The following ZFHX3 variants were observed in gnomAD, a reference collection of about 807,000 sequenced individuals.
The protein encoded by ZFHX3 is zinc finger homeobox 3.
A neutral mutation model predicts 279.1 loss-of-function variants in ZFHX3; 42 were observed. The ratio of observed to expected loss-of-function variants is 0.15; its 90% CI spans 0.12 to 0.19. The LOEUF (loss-of-function observed/expected upper bound fraction) is 0.19, where lower values mean the gene tolerates loss of function less well. ZFHX3 is among the 10% of genes least tolerant of loss of function. ZFHX3 has a pLI of 1.00. For synonymous variants in ZFHX3, 2,293 were observed against 1,957.8 expected (o/e 1.17, Z -4.52); for missense variants, 4,981 against 4,754.0 (o/e 1.05, Z -1.40).
At chr16:72,874,481 C>T (rs1032749800) in intron 4 of ZFHX3, among the ~76,000 whole-genome samples, 1 of 152,052 alleles carries the variant, frequency 6.6e-6, no homozygotes, top group East Asian at 1.9e-4. Context: ...AGATTGTAGG[C>T]GTGAGCCACC....
intron 2 of ZFHX3, among the ~76,000 whole-genome samples, chr16:73,650,341 CAA>C (rs962090444): frequency 1.6e-5 from 2 of 123,012 alleles, no homozygotes; most frequent in Admixed American, 1.7e-4. Flanking sequence ...GCGCATTTTC[CAA>C]AAAAAAAAAA....
chr16:72,867,784 G>A (rs1019549369), intron 4 of ZFHX3, among the ~76,000 whole-genome samples: 1 of 151,976 alleles, frequency 6.6e-6, no homozygotes, highest in African/African-American at 2.4e-5. Flanking sequence ...ATTTTCTTAA[G>A]GTGGCAGCTT....
At chr16:72,816,701 T>C (rs954935922) in intron 5 of ZFHX3, among the ~76,000 whole-genome samples, 4 of 152,098 alleles carry the variant, frequency 2.6e-5, no homozygotes, top group African/African-American at 7.2e-5. Context: ...CTGTGATGAG[T>C]TGGCCAACTA....
At chr16:73,718,362 G>C (rs1401212044) in intron 1 of ZFHX3, among the ~76,000 whole-genome samples, 1 of 152,022 alleles carries the variant, frequency 6.6e-6, no homozygotes, top group Non-Finnish European at 1.5e-5. Flanking sequence ...AGTGAGCCAA[G>C]ATCTTGCCAT....
intron 2 of ZFHX3, among the ~76,000 whole-genome samples, chr16:73,606,087 G>A (rs1044916289): frequency 6.6e-6 from 1 of 150,486 alleles, no homozygotes; most frequent in South Asian, 2.1e-4. Context: ...GGAGGCTGAG[G>A]TGGAGAACGG....
At chr16:72,960,544 G>A (rs890039798) in intron 1 of ZFHX3, among the ~76,000 whole-genome samples, 2 of 152,114 alleles carry the variant, frequency 1.3e-5, no homozygotes, top group African/African-American at 2.4e-5. Context: ...GAACGGACGC[G>A]TCATCTCTCC....
intron 3 of ZFHX3, among the ~76,000 whole-genome samples, chr16:73,351,585 G>T (rs544229473): frequency 6.6e-6 from 1 of 152,204 alleles, no homozygotes. Context: ...GCACAGCTCC[G>T]TCTTAAGTGG....
Position 73,879,735 on chromosome 16 carries a change from C to T in ZFHX3, c.-1608+11916G>A, listed in dbSNP as rs114041499. Among the ~76,000 whole-genome samples the T allele has an allele frequency of 6.4e-3, 980 of 152,198 alleles. 11 individuals are homozygous for T. The highest frequency in any genetic ancestry group is 0.022 in the African/African-American group (928 of 41,534). ...TAAGTAAACAGCGGGGATTCTCAGC[C>T]TCCACAGTGTTGACATTTGGGGCCA... is the stretch of plus-strand genomic sequence containing the variant. On this transcript the variant is annotated intron_variant, in intron 1 of 17. Coordinates refer to the ZFHX3 transcript ENST00000641206.
chr16:72,881,638 A>T (rs1348440263), intron 4 of ZFHX3, among the ~76,000 whole-genome samples: 4 of 152,200 alleles, frequency 2.6e-5, no homozygotes, highest in Admixed American at 2.6e-4. Context: ...CTCGAGAAAC[A>T]TCCATTCAGG....
chr16:73,837,226 GAACTA>G (rs1961167128), intron 1 of ZFHX3, among the ~76,000 whole-genome samples: 1 of 152,134 alleles, frequency 6.6e-6, no homozygotes, highest in South Asian at 2.1e-4. Flanking sequence ...TAACAAGTTA[GAACTA>G]AACTCATGTT....
intron 4 of ZFHX3, among the ~76,000 whole-genome samples, chr16:73,303,033 C>CT (rs35496023): frequency 1.2e-3 from 172 of 147,088 alleles, no homozygotes; most frequent in African/African-American, 3.0e-3. Context: ...GCAATGGAGA[C>CT]TTTTTTTTTT....
intron 4 of ZFHX3, among the ~76,000 whole-genome samples, chr16:73,302,411 A>T (rs2015077232): frequency 6.6e-6 from 1 of 152,206 alleles, no homozygotes; most frequent in African/African-American, 2.4e-5. Flanking sequence ...AGCCCACTGG[A>T]TATTCCTTCA....
At chr16:73,817,836 A>T (rs1191992440) in intron 1 of ZFHX3, among the ~76,000 whole-genome samples, 1 of 152,176 alleles carries the variant, frequency 6.6e-6, no homozygotes, top group East Asian at 1.9e-4. Context: ...AGGTCTGGTG[A>T]ATTTATGGCA....
Position 73,772,602 on chromosome 16 carries a change from C to T in ZFHX3, c.-1607-92362G>A, listed in dbSNP as rs576945532. On this transcript the variant is annotated intron_variant, in intron 1 of 17. Transcript: ENST00000641206. ...GTGTCTTTCAGATATGTCCGTTCTG[C>T]AGTTAGCTAGTCTCCTTCTCACTTG... Among the ~76,000 whole-genome samples, 3 of 152,290 alleles carry T rather than the reference C, an allele frequency of 2.0e-5. No individual in the cohort carries two copies. The South Asian group carries it at 6.2e-4, about 32-fold the overall frequency.
intron 1 of ZFHX3, among the ~76,000 whole-genome samples, chr16:73,704,466 A>G (rs995015542): frequency 5.3e-5 from 8 of 152,218 alleles, no homozygotes; most frequent in African/African-American, 1.9e-4. Context: ...GCAACACTTC[A>G]TAGAGAGAAG....
chr16:73,867,826 T>C (rs1311374463), intron 1 of ZFHX3, among the ~76,000 whole-genome samples: 2 of 152,198 alleles, frequency 1.3e-5, no homozygotes, highest in African/African-American at 4.8e-5. Flanking sequence ...ATTGGCAGCG[T>C]TCTGATACTT....
intron 1 of ZFHX3, among the ~76,000 whole-genome samples, chr16:73,810,820 T>A (rs968296730): frequency 8.5e-5 from 13 of 152,172 alleles, no homozygotes; most frequent in Non-Finnish European, 1.8e-4. Flanking sequence ...CTTGTCTATC[T>A]GTAAAAGGGG....
intron 1 of ZFHX3, among the ~76,000 whole-genome samples, chr16:73,017,885 A>C (rs968067403): frequency 6.6e-6 from 1 of 151,966 alleles, no homozygotes; most frequent in African/African-American, 2.4e-5. Context: ...GATGCTCCTT[A>C]ATTCCCCACT....
intron 1 of ZFHX3, among the ~76,000 whole-genome samples, chr16:73,863,558 CAT>C (rs556271742): frequency 2.6e-4 from 40 of 152,332 alleles, no homozygotes; most frequent in African/African-American, 9.4e-4. Context: ...CAATAAAAGA[CAT>C]ACGGTGATGG....
Sources: allele counts gnomAD v4.1 joint callset (sites outside exome capture counted in the v4.1 genomes callset), GRCh38; gene constraint gnomAD v4.1.1; transcripts MANE v1.5; gene names NCBI Gene and HGNC (gene_info 2026-07-23, HGNC 2026-07-21).